Variants in OPRM1 observed in about 807,000 individuals in gnomAD.
OPRM1 encodes opioid receptor mu 1.
OPRM1 carries 27 observed loss-of-function variants against 31.8 expected under a neutral mutation model. The observed-to-expected ratio is 0.85, with a 90% CI of 0.63 to 1.17. The LOEUF is 1.17. OPRM1 is among the 50% of genes most tolerant of loss of function. OPRM1 has a pLI of 0.00. For synonymous variants in OPRM1, 196 were observed against 189.9 expected (o/e 1.03, Z -0.26); for missense variants, 536 against 511.1 (o/e 1.05, Z -0.47).
intron 3 of OPRM1, among the ~76,000 whole-genome samples, chr6:154,141,693 C>T (rs759575280): frequency 1.3e-5 from 2 of 152,204 alleles, no homozygotes; most frequent in African/African-American, 4.8e-5. Flanking sequence ...CAACGCGAAG[C>T]GGGCAAAGGG....
Position 154,039,838 on chromosome 6 carries a change from A to G in OPRM1, c.290+4A>G, listed in dbSNP as rs1779676689. On this transcript the variant is annotated splice_donor_region_variant and intron_variant, in intron 1 of 3. Coordinates refer to ENST00000330432, the MANE Select transcript of OPRM1 (RefSeq NM_000914.5). ...TGGTCATGTATGTGATTGTCAGGTA[A>G]GGAAAGCGCCAGGGCTCCGAGCGGA... 1 of 1,571,696 alleles carries G rather than the reference A, an allele frequency of 6.4e-7. No homozygotes were observed. The highest frequency in any genetic ancestry group is 1.1e-5 in the South Asian group (1 of 87,282).
At chr6:154,215,254 T>C (rs1172561632) in intron 3 of OPRM1, among the ~76,000 whole-genome samples, 1 of 152,004 alleles carries the variant, frequency 6.6e-6, no homozygotes, top group Non-Finnish European at 1.5e-5. Context: ...TTAGGAATCC[T>C]TACGCAACCC....
At chr6:154,228,659 G>A (rs530708078) in intron 3 of OPRM1, among the ~76,000 whole-genome samples, 1 of 152,294 alleles carries the variant, frequency 6.6e-6, no homozygotes, top group Admixed American at 6.5e-5. Context: ...ACATTGGGGG[G>A]AAATGTAAAG....
At chr6:154,111,752 T>TTTTATTTATTTA (rs3070806) in intron 3 of OPRM1, among the ~76,000 whole-genome samples, 6 of 149,312 alleles carry the variant, frequency 4.0e-5, no homozygotes, top group African/African-American at 1.5e-4. Context: ...TATAGTTTAT[T>TTTTATTTATTTA]TTTATTTATT....
chr6:154,092,016 G>T (rs1792367678), intron 3 of OPRM1: 12 of 753,654 alleles, frequency 1.6e-5, no homozygotes, highest in South Asian at 6.1e-5. Context: ...CTATTGGTTT[G>T]CTACCTGAAC....
chr6:154,138,082 A>G (rs1798103731), intron 3 of OPRM1, among the ~76,000 whole-genome samples: 1 of 152,196 alleles, frequency 6.6e-6, no homozygotes, highest in South Asian at 2.1e-4. Flanking sequence ...CATCTACAAT[A>G]CTAATTAAAA....
chr6:154,237,178 A>C (rs186758161), intron 3 of OPRM1, among the ~76,000 whole-genome samples: 1 of 152,178 alleles, frequency 6.6e-6, no homozygotes, highest in Non-Finnish European at 1.5e-5. Context: ...TTCTCAGGAA[A>C]ATCCTCAAAC....
chr6:154,168,007 C>T lies in OPRM1; in HGVS notation c.1164+76535C>T. 1 of 1,612,048 alleles carries T rather than the reference C, an allele frequency of 6.2e-7. No individual in the cohort carries two copies. Among genetic ancestry groups the T allele is most frequent in the Non-Finnish European group, 8.5e-7 (1 of 1,178,426 alleles). ...ACCGCTTAACAAAGGATTTTCTCAA[C>T]TCCTTTTTAGTCGAAGGTCGTCGGT... On this transcript the variant is annotated intron_variant, in intron 3 of 3. Transcript: ENST00000337049. The surrounding 1 kb of genome is among the most constrained non-coding windows in gnomAD (Gnocchi z 4.1).
chr6:154,048,294 TTCTC>T (rs1307666548), intron 1 of OPRM1, among the ~76,000 whole-genome samples: 2 of 152,224 alleles, frequency 1.3e-5, no homozygotes, highest in Non-Finnish European at 2.9e-5. Context: ...TTATTTTTCT[TTCTC>T]TCTGTTTTCC....
intron 3 of OPRM1, among the ~76,000 whole-genome samples, chr6:154,096,342 G>A (rs992404119): frequency 6.6e-6 from 1 of 152,120 alleles, no homozygotes; most frequent in Non-Finnish European, 1.5e-5. Flanking sequence ...TTCCAGACGT[G>A]AGCCCCTGTG....
intron 3 of OPRM1, among the ~76,000 whole-genome samples, chr6:154,207,245 A>G (rs751767368): frequency 5.9e-5 from 9 of 152,246 alleles, no homozygotes; most frequent in Non-Finnish European, 1.2e-4. Flanking sequence ...GAGCTGTTAA[A>G]GCCAGAGGCA....
rs1477763619 is a variant in OPRM1 at position 154,209,528 on chromosome 6, T to C, written c.1165-37165T>C. Among the ~76,000 whole-genome samples, 3 of 151,832 alleles carry C rather than the reference T, an allele frequency of 2.0e-5. No homozygotes were observed. The East Asian group carries it at 5.8e-4, about 29-fold the overall frequency. ...CAGGTATGGTGGTGCACACCTGTAG[T>C]CCCAGCTACTCGGGGGGCCGAGGTG... On this transcript the variant is annotated intron_variant, in intron 3 of 3. Coordinates refer to the OPRM1 transcript ENST00000337049.
intron 3 of OPRM1, among the ~76,000 whole-genome samples, chr6:154,103,850 C>T (rs952680308): frequency 3.3e-5 from 5 of 152,132 alleles, no homozygotes; most frequent in Non-Finnish European, 5.9e-5. Flanking sequence ...TTTTGGCCGG[C>T]TCCTTTACTG....
In OPRM1 at chr6:154,140,592, A is replaced by T. The variant is rs1798178327; in HGVS notation, c.1164+49120A>T. ...TGATCCGCCCGCCTCAACCTCCCAAAGTGCTGGGATTACAGGTGTGAGCAG... is the reference window on the plus strand; with the variant it reads ...TGATCCGCCCGCCTCAACCTCCCAATGTGCTGGGATTACAGGTGTGAGCAG... On this transcript the variant is annotated intron_variant, in intron 3 of 3. Coordinates refer to the OPRM1 transcript ENST00000337049. Among the ~76,000 whole-genome samples the T allele has an allele frequency of 2.0e-5, 3 of 152,150 alleles. No individual in the cohort carries two copies. In the South Asian group the frequency reaches 6.2e-4, roughly 32 times the overall value.
At chr6:154,099,957 T>C (rs181694511) in intron 3 of OPRM1, among the ~76,000 whole-genome samples, 26 of 142,406 alleles carry the variant, frequency 1.8e-4, no homozygotes, top group African/African-American at 6.2e-4. Flanking sequence ...ATAACATATA[T>C]ATTATCATAT....
intron 3 of OPRM1, among the ~76,000 whole-genome samples, chr6:154,235,720 A>G (rs1212939717): frequency 6.6e-6 from 1 of 152,102 alleles, no homozygotes; most frequent in African/African-American, 2.4e-5. Flanking sequence ...CCACTAAGAA[A>G]ATCTGGTTCA....
In OPRM1 at chr6:154,176,899, G is replaced by A. The variant is rs181126074; in HGVS notation, c.1165-69794G>A. Among the ~76,000 whole-genome samples the A allele has an allele frequency of 2.4e-3, 362 of 152,254 alleles. 6 individuals carry two copies. Among genetic ancestry groups the A allele is most frequent in the Non-Finnish European group, 1.0e-3 (71 of 68,012 alleles). On this transcript the variant is annotated intron_variant, in intron 3 of 3. Transcript: ENST00000337049. ...ACCTGACTTCAAACTATACCACAAG[G>A]CCACAGTAACCAAAACAGCATGACA... is the stretch of plus-strand genomic sequence containing the variant.
chr6:154,103,261 G>T (rs2128506418), intron 3 of OPRM1, among the ~76,000 whole-genome samples: 1 of 152,274 alleles, frequency 6.6e-6, no homozygotes, highest in African/African-American at 2.4e-5. Flanking sequence ...GAATATTGTA[G>T]CAACTGAAAA....
At position 154,039,299 on chromosome 6, in the gene OPRM1, G is replaced by T. The variant is rs1385084164; in HGVS notation, c.-246G>T. ...CCACGCTCCCCTCCTGCAGCGGTGC[G>T]GGGCAGGTGATGAGCCTCTGTGAAC... On this transcript the variant is annotated 5_prime_UTR_variant, in exon 1 of 4. Transcript: ENST00000330432. 1.3e-6 allele frequency: 2 copies of T among 1,551,128 alleles called. No homozygotes were observed. Among genetic ancestry groups the T allele is most frequent in the Admixed American group, 3.9e-5 (2 of 50,954 alleles).
Sources: gnomAD v4.1 joint callset for allele counts (sites outside exome capture counted in the v4.1 genomes callset) on GRCh38, gnomAD v4.1.1 for gene constraint, Gnocchi (gnomAD v3.1) non-coding constraint, MANE v1.5 for transcripts, NCBI Gene and HGNC (gene_info 2026-07-23, HGNC 2026-07-21) for gene names.